Variants in SCART1 observed in about 807,000 individuals in gnomAD.
The protein encoded by SCART1 is scavenger receptor family member expressed on T cells 1.
SCART1 carries 62 observed loss-of-function variants against 36.2 expected under a neutral mutation model. The observed-to-expected ratio is 1.71, with a 90% CI of 1.40 to 2.12. The LOEUF (loss-of-function observed/expected upper bound fraction) is 2.12. Among genes scored for constraint, SCART1 ranks in the 30% most tolerant of loss-of-function variants. SCART1 has a pLI of 0.00. For synonymous variants in SCART1, 487 were observed against 238.7 expected (o/e 2.04, Z -9.59); for missense variants, 1,041 against 540.5 (o/e 1.93, Z -9.18).
At chr10:133,467,284 A>C (rs1850773688) in exon 11 of SCART1, 1 of 702,948 alleles carries the variant, frequency 1.4e-6, no homozygotes, top group Admixed American at 2.0e-5. Context: ...CGAGGAAATC[A>C]TGGAGGCCGA....
intron 9 of SCART1, chr10:133,465,995 T>C (rs551868899): frequency 3.0e-6 from 2 of 671,654 alleles, no homozygotes; most frequent in Non-Finnish European, 5.4e-6. Context: ...GGCATCTGCC[T>C]GGGGGCCATG....
At chr10:133,456,193 T>C (rs1243544436) in intron 1 of SCART1, 44 bp from the exon 2 acceptor site, 1 of 676,466 alleles carries the variant, frequency 1.5e-6, no homozygotes, top group South Asian at 1.6e-5. Flanking sequence ...CTCCTGCGCC[T>C]CTGGTTGGTT....
intron 2 of SCART1, 104 bp from the exon 3 acceptor site, chr10:133,457,175 G>A: frequency 6.1e-6 from 4 of 654,882 alleles, no homozygotes. Context: ...CCTGAAGCTG[G>A]CCCTGGCTCA....
In SCART1 at chr10:133,464,329, G is replaced by A. The variant is rs1012363116; in HGVS notation, c.1970-277G>A. The A allele has an allele frequency of 3.5e-5, 11 of 312,220 alleles. No homozygotes were observed. In the Admixed American group the frequency reaches 5.0e-4, roughly 14 times the overall value. The allele number at this position is 312,220 out of a possible 1,614,324, so 19.3% of individuals were successfully genotyped here. On this transcript the variant is annotated intron_variant, in intron 6 of 11. Coordinates refer to ENST00000640237, the Ensembl canonical transcript of SCART1. ...ACCTGGGCGTGCAGTGAACCTGGGC[G>A]TGCAGTGAACCTGGGTGCTGCAGTG...
intron 6 of SCART1, among the ~76,000 whole-genome samples, chr10:133,463,412 T>A (rs575204499): frequency 6.6e-6 from 1 of 152,104 alleles, no homozygotes; most frequent in South Asian, 2.1e-4. Flanking sequence ...GATTTATTCA[T>A]CCTGCACAGT....
chr10:133,462,186 T>C (rs1335694952), intron 6 of SCART1, among the ~76,000 whole-genome samples: 1 of 152,244 alleles, frequency 6.6e-6, no homozygotes, highest in East Asian at 1.9e-4. Flanking sequence ...CGTGGAGCCC[T>C]GCTCAGCTCT....
At chr10:133,465,426 C>G in exon 9 of SCART1, 1 of 565,216 alleles carries the variant, frequency 1.8e-6, no homozygotes, top group Non-Finnish European at 3.1e-6. Context: ...GGGCCGCCGC[C>G]TTTGGCCCTG....
At chr10:133,468,203 A>G (rs561446227) in exon 12 of SCART1, 2 of 376,958 alleles carry the variant, frequency 5.3e-6, no homozygotes, top group Non-Finnish European at 9.5e-6. Context: ...CCCACACATT[A>G]CAGCAAATGC....
chr10:133,459,162 C>T (rs1038870817), exon 5 of SCART1: 10 of 702,824 alleles, frequency 1.4e-5, no homozygotes, highest in African/African-American at 1.2e-4. Context: ...TGTGGCAACG[C>T]GGTGGCCGCA....
At chr10:133,457,904 C>T (rs1850639951) in intron 3 of SCART1, 1 of 515,486 alleles carries the variant, frequency 1.9e-6, no homozygotes. Context: ...TCACTTCTTC[C>T]CAGCCCTGCC....
chr10:133,457,273 C>T lies in SCART1; in HGVS notation c.386-6C>T. 1.4e-6 allele frequency: 1 copy of T among 700,760 alleles called. No homozygotes were observed. Among genetic ancestry groups the T allele is most frequent in the South Asian group, 1.5e-5 (1 of 67,448 alleles). The allele number at this position is 700,760 out of a possible 1,614,324, so 43.4% of individuals were successfully genotyped here. On this transcript the variant is annotated splice_polypyrimidine_tract_variant and splice_region_variant and intron_variant, in intron 2 of 11. Transcript: ENST00000640237. ...ACCTTAAGGAGGACCGGCCTGTGCT[C>T]CACAGACGGCACTTTCCGGGAGCTC...
At chr10:133,458,292 T>C (rs1168576349) in intron 3 of SCART1, 68 bp from the exon 4 acceptor site, 3 of 701,982 alleles carry the variant, frequency 4.3e-6, no homozygotes, top group Non-Finnish European at 7.8e-6. Flanking sequence ...TTCCGCAGTC[T>C]GAGGCTCAGG....
rs557775548 is a variant in SCART1, at chr10:133,461,490, A to G, written c.1969+1320A>G. On this transcript the variant is annotated intron_variant, in intron 6 of 11. Coordinates refer to ENST00000640237, the Ensembl canonical transcript of SCART1. ...TTCAATTACTGTGTTCTTTGTATGC[A>G]ATGCTGGAGTCTCGTGAGTTTGAGC... Among the ~76,000 whole-genome samples, 82 of 152,272 alleles carry G rather than the reference A, an allele frequency of 5.4e-4. 2 individuals carry two copies. The South Asian group carries it at 0.017, about 31-fold the overall frequency.
intron 3 of SCART1, chr10:133,458,058 G>T (rs144144541): frequency 3.1e-5 from 19 of 607,818 alleles, no homozygotes; most frequent in African/African-American, 2.6e-4. Flanking sequence ...CCCTGACCTC[G>T]CCTCTGGGAT....
At chr10:133,459,718 C>G in exon 6 of SCART1, 1 of 700,256 alleles carries the variant, frequency 1.4e-6, no homozygotes, top group Non-Finnish European at 2.6e-6. Flanking sequence ...TGTCTGGGCA[C>G]CGAAACCCGC....
At chr10:133,461,060 G>T (rs1850695827) in intron 6 of SCART1, among the ~76,000 whole-genome samples, 1 of 152,074 alleles carries the variant, frequency 6.6e-6, no homozygotes, top group Non-Finnish European at 1.5e-5. Context: ...TTTTGAGATG[G>T]TGGATGAGCT....
chr10:133,459,421 C>G, intron 5 of SCART1, 66 bp from the exon 6 acceptor site: 1 of 615,880 alleles, frequency 1.6e-6, no homozygotes. Context: ...GGTACGGGCC[C>G]TGCTGGGGGG....
At chr10:133,457,911 T>C (rs917056152) in intron 3 of SCART1, 1 of 514,502 alleles carries the variant, frequency 1.9e-6, no homozygotes, top group Non-Finnish European at 3.5e-6. Context: ...TTCCCAGCCC[T>C]GCCTCAACTG....
chr10:133,466,964 C>G (rs549228504), intron 10 of SCART1: 47 of 441,048 alleles, frequency 1.1e-4, no homozygotes, highest in African/African-American at 9.2e-4. Flanking sequence ...TTCCCCCAGG[C>G]AGCACATTGG....
Sources: allele counts gnomAD v4.1 joint callset (sites outside exome capture counted in the v4.1 genomes callset), GRCh38; gene constraint gnomAD v4.1.1; transcripts MANE v1.5; gene names NCBI Gene and HGNC (gene_info 2026-07-23, HGNC 2026-07-21).